Variants in CARMIL2 observed in about 807,000 individuals in gnomAD.
CARMIL2 encodes the protein capping protein, Arp2/3 and myosin-I linker protein 2.
A neutral mutation model predicts 173.3 loss-of-function variants in CARMIL2; 96 were observed. That is an observed-to-expected ratio of 0.55 (90% CI 0.47 to 0.66). The LOEUF is 0.66. CARMIL2 is among the 30% of genes least tolerant of loss of function. The pLI, the probability that CARMIL2 is intolerant of heterozygous loss-of-function variation, is 0.00. For missense variants in CARMIL2, 1,771 were observed against 1,906.7 expected (o/e 0.93, Z 1.33); for synonymous variants, 830 against 817.1 (o/e 1.02, Z -0.27).
chr16:67,646,861 T>A lies in CARMIL2; in HGVS notation c.538-39T>A. On this transcript the variant is annotated intron_variant, in intron 7 of 37. Coordinates refer to ENST00000334583, the MANE Select transcript of CARMIL2 (RefSeq NM_001013838.3). The surrounding 1 kb of genome is among the most constrained non-coding windows in gnomAD (Gnocchi z 4.6). Reference sequence around the variant, plus strand: ...GTGCTGAGCCCCTCCCTGCCCCTTGTGGCCCCAGGCGAACTGTAAGCATCT... The same window carrying A: ...GTGCTGAGCCCCTCCCTGCCCCTTGAGGCCCCAGGCGAACTGTAAGCATCT... 6.2e-7 allele frequency: 1 copy of A among 1,613,376 alleles called. No homozygotes were observed. Among genetic ancestry groups the A allele is most frequent in the Non-Finnish European group, 8.5e-7 (1 of 1,179,442 alleles).
Position 67,648,112 on chromosome 16 carries a change from G to A in CARMIL2, c.1132G>A (p.Asp378Asn), listed in dbSNP as rs2052634538. 1.2e-6 allele frequency: 2 copies of A among 1,611,608 alleles called. No individual in the cohort carries two copies. Among genetic ancestry groups the A allele is most frequent in the Admixed American group, 1.7e-5 (1 of 59,846 alleles). Residue 378 changes from aspartate to asparagine, a missense_variant, in exon 14 of 38, where the codon GAC becomes AAC. Asp to Asn is a conservative substitution (Grantham distance 23). Transcript: ENST00000334583. The surrounding 1 kb of genome is among the most constrained non-coding windows in gnomAD (Gnocchi z 6.1). ...GTCGTTCCTGAATCTCGCAGGCACC[G>A]ACACTGCCCTGGACACTGTGAGGGG... The part of the protein sequence containing the change: ...VLSFLNLAGT[D>N]TALDTVRGCS...
chr16:67,647,807 G>GGGGGGGGGGGGGGGGGGGGGGGGGCCC, intron 12 of CARMIL2, 39 bp from the exon 13 acceptor site: 1 of 1,092,392 alleles, frequency 9.2e-7, no homozygotes, highest in Non-Finnish European at 1.4e-6. Flanking sequence ...GGGGGGTGGG[G>GGGGGGGGGGGGGGGGGGGGGGGGGCCC]GTCTGTCCAA....
intron 33 of CARMIL2, 77 bp downstream of exon 33, chr16:67,656,144 C>T (rs751566443): frequency 1.8e-5 from 29 of 1,611,034 alleles, no homozygotes; most frequent in Non-Finnish European, 1.4e-5. Flanking sequence ...CACTTGCTCT[C>T]CTTGGGGAGG....
At chr16:67,647,806 G>GGGGGGGC in intron 12 of CARMIL2, 40 bp downstream of exon 12, 1 of 570,094 alleles carries the variant, frequency 1.8e-6, no homozygotes, top group Non-Finnish European at 3.2e-6. Flanking sequence ...AGGGGGGTGG[G>GGGGGGGC]GGTCTGTCCA....
chr16:67,650,118 C>T lies in CARMIL2; in HGVS notation c.2152C>T (p.Pro718Ser), dbSNP rs377067889. 6.2e-6 allele frequency: 10 copies of T among 1,613,108 alleles called. No individual in the cohort carries two copies. The highest frequency in any genetic ancestry group is 1.3e-5 in the African/African-American group (1 of 74,908). Reference sequence around the variant, plus strand: ...TTCTGACCACACGACCCGCCTTCAGCCACTTGGTCTGGTCTCAGACCCCTC... The same window carrying T: ...TTCTGACCACACGACCCGCCTTCAGTCACTTGGTCTGGTCTCAGACCCCTC... ...ASSDHTTRLQ[P>S]LGLVSDPSEQ... Residue 718 changes from proline (P) to serine (S), a missense_variant, in exon 22 of 38, where the codon CCA becomes TCA. This residue lies in a region of CARMIL2 where 944 missense variants were observed against 975.6 expected (regional missense o/e 0.97). Transcript: ENST00000334583.
Position 67,654,534 on chromosome 16 carries a change from C to T in CARMIL2, c.3424C>T (p.Pro1142Ser), listed in dbSNP as rs776689638. The change falls in exon 31 of 38, where the codon CCC becomes TCC. Residue 1142 changes from proline to serine, a missense_variant. Around this residue, in one of 3 missense-constraint regions of CARMIL2, gnomAD observed 817 missense variants for 903.5 expected, o/e 0.90. Transcript: ENST00000334583. ...FGDLLRPPTR[P>S]SRGEELGGAE... ...CGACCTACTGCGGCCGCCAACCCGTCCCAGCCGTGGTGAGGAGCTTGGTGG... is the reference window on the plus strand; with the variant it reads ...CGACCTACTGCGGCCGCCAACCCGTTCCAGCCGTGGTGAGGAGCTTGGTGG... 187 of 1,611,894 alleles carry T rather than the reference C, an allele frequency of 1.2e-4. No homozygotes were observed. The highest frequency in any genetic ancestry group is 1.6e-4 in the Non-Finnish European group (185 of 1,179,452).
Position 67,657,349 on chromosome 16 carries a change from G to A in CARMIL2, c.4195+33G>A, listed in dbSNP as rs1213708443. 6.2e-7 allele frequency: 1 copy of A among 1,611,228 alleles called. No individual in the cohort carries two copies. The highest frequency in any genetic ancestry group is 1.3e-5 in the African/African-American group (1 of 74,918). Reference sequence around the variant, plus strand: ...GGGGTCCAGGCCAGCTGGGAGGGTGGCAGGACTGCTTAGCCCAGCCCTGAC... The same window carrying A: ...GGGGTCCAGGCCAGCTGGGAGGGTGACAGGACTGCTTAGCCCAGCCCTGAC... On this transcript the variant is annotated intron_variant, in intron 37 of 37. Transcript: ENST00000334583. This position sits in a 1 kb window ranked among gnomAD's most constrained non-coding sequence, Gnocchi z 4.5.
In CARMIL2 at chr16:67,648,395, C is replaced by G. The variant is rs184690779; in HGVS notation, c.1335-3C>G. 26 of 1,533,160 alleles carry G rather than the reference C, an allele frequency of 1.7e-5. No individual in the cohort carries two copies. The highest frequency in any genetic ancestry group is 2.3e-5 in the Non-Finnish European group (26 of 1,145,988). The allele number at this position is 1,533,160 out of a possible 1,614,324, so 95.0% of individuals were successfully genotyped here. A position where few individuals can be genotyped will look rare whatever the true frequency, so the allele number is the denominator to read the frequency against. ...CCCAGGCCCACCTTCCCACTTCCCC[C>G]AGGAAGTCCCGCGCCGCGCCGGCCG... On this transcript the variant is annotated splice_polypyrimidine_tract_variant and splice_region_variant and intron_variant, in intron 14 of 37. Transcript: ENST00000334583. The surrounding 1 kb of genome is among the most constrained non-coding windows in gnomAD (Gnocchi z 6.1).
rs371019393 is a variant in CARMIL2, at chr16:67,649,034, C to G, written c.1592-42C>G. The G allele has an allele frequency of 1.2e-6, 2 of 1,604,404 alleles. No homozygotes were observed. The highest frequency in any genetic ancestry group is 2.2e-5 in the South Asian group (2 of 89,302). ...CACTCGATTCCCAATCCCCACCCTA[C>G]CCTTGCAACTTCGCCTCGTGCGTGA... On this transcript the variant is annotated intron_variant, in intron 17 of 37. Transcript: ENST00000334583. This position sits in a 1 kb window ranked among gnomAD's most constrained non-coding sequence, Gnocchi z 6.7.
rs2052651143 is a variant in CARMIL2, at chr16:67,648,714, C to T, written c.1469C>T (p.Thr490Met). ...CTTTTGGATGGCCTCGCGCTCAACA[C>T]GCACCTCCGCGACCTGCACCTGGAC... is the stretch of plus-strand genomic sequence containing the variant. ...RALLDGLALN[T>M]HLRDLHLDLS... Residue 490 changes from threonine (T) to methionine (M), a missense_variant, in exon 16 of 38, where the codon ACG becomes ATG. By Grantham distance (81) the Thr-to-Met change is moderately conservative. Around this residue, in one of 3 missense-constraint regions of CARMIL2, gnomAD observed 944 missense variants for 975.6 expected, o/e 0.97. Coordinates refer to ENST00000334583, the MANE Select transcript of CARMIL2 (RefSeq NM_001013838.3). This position sits in a 1 kb window ranked among gnomAD's most constrained non-coding sequence, Gnocchi z 6.1. The T allele has an allele frequency of 8.1e-6, 13 of 1,607,436 alleles. No homozygotes were observed. Among genetic ancestry groups the T allele is most frequent in the South Asian group, 1.1e-5 (1 of 89,658 alleles).
rs757497724 is a variant in CARMIL2 at position 67,647,710 on chromosome 16, G to A, written c.902G>A (p.Arg301His). Residue 301 changes from arginine to histidine, a missense_variant, in exon 12 of 38, where the codon CGT becomes CAT. Coordinates refer to ENST00000334583, the MANE Select transcript of CARMIL2 (RefSeq NM_001013838.3). The stretch of plus-strand genomic sequence containing the variant: ...ACTGCACTCAGCAGACACCTCGAGC[G>A]TTGTCCAGGAGCCCTGAGGAGACTC... ...GMTALSRHLERCPGALRRLSL... is the reference protein window; with the variant it reads ...GMTALSRHLEHCPGALRRLSL... 23 of 1,597,512 alleles carry A rather than the reference G, an allele frequency of 1.4e-5. No homozygotes were observed. The highest frequency in any genetic ancestry group is 9.4e-5 in the African/African-American group (7 of 74,088).
At chr16:67,645,804 C>T in intron 3 of CARMIL2, 27 bp downstream of exon 3, 1 of 1,609,204 alleles carries the variant, frequency 6.2e-7, no homozygotes, top group East Asian at 2.2e-5. Context: ...GGCCACACCC[C>T]CGCCCGCCAG....
In CARMIL2 at chr16:67,648,370, C is replaced by A. The variant is rs748831265; in HGVS notation, c.1335-28C>A. The A allele has an allele frequency of 1.3e-6, 2 of 1,538,820 alleles. No individual in the cohort carries two copies. Among genetic ancestry groups the A allele is most frequent in the Non-Finnish European group, 1.7e-6 (2 of 1,149,362 alleles). On this transcript the variant is annotated intron_variant, in intron 14 of 37. Transcript: ENST00000334583. This position sits in a 1 kb window ranked among gnomAD's most constrained non-coding sequence, Gnocchi z 6.1. ...CTGCTGGAAGCCGCCTCCTTGCGGC[C>A]CCAGGCCCACCTTCCCACTTCCCCC...
Position 67,657,167 on chromosome 16 carries a change from G to T in CARMIL2, c.4118-72G>T. ...GTGCATGCTTATGTGCACTGGAGGTGGAAGAGAGGGGCAGGGGATGGACAG... is the reference window on the plus strand; with the variant it reads ...GTGCATGCTTATGTGCACTGGAGGTTGAAGAGAGGGGCAGGGGATGGACAG... On this transcript the variant is annotated intron_variant, in intron 36 of 37. Coordinates refer to ENST00000334583, the MANE Select transcript of CARMIL2 (RefSeq NM_001013838.3). The surrounding 1 kb of genome is among the most constrained non-coding windows in gnomAD (Gnocchi z 4.5). The T allele has an allele frequency of 7.4e-7, 1 of 1,358,038 alleles. No individual in the cohort carries two copies. Among genetic ancestry groups the T allele is most frequent in the East Asian group, 2.4e-5 (1 of 41,146 alleles). 84.1% of individuals were successfully genotyped at this position (1,358,038 alleles called of 1,614,324 possible). A position where few individuals can be genotyped will look rare whatever the true frequency, so the allele number is the denominator to read the frequency against.
At position 67,645,629 on chromosome 16, in the gene CARMIL2, C is replaced by G. The variant is rs201957532; in HGVS notation, c.130C>G (p.Leu44Val). The change falls in exon 2 of 38, where the codon CTG (leucine) becomes GTG (valine). Residue 44 changes from leucine to valine, a missense_variant and splice_region_variant. Leu to Val is a conservative substitution (Grantham distance 32). Around this residue, in one of 3 missense-constraint regions of CARMIL2, gnomAD observed 944 missense variants for 975.6 expected, o/e 0.97. Transcript: ENST00000334583. Reference protein sequence around the residue: ...PGEGAVQNHVLALLRWRAYLL... With the variant: ...PGEGAVQNHVVALLRWRAYLL... ...GGAGGGTGCTGTGCAAAACCATGTCCTGGTATGGGGCAGGGGACAGAGCCG... is the reference window on the plus strand; with the variant it reads ...GGAGGGTGCTGTGCAAAACCATGTCGTGGTATGGGGCAGGGGACAGAGCCG... The G allele has an allele frequency of 5.6e-6, 9 of 1,613,580 alleles. No individual in the cohort carries two copies. In the Admixed American group the frequency reaches 1.5e-4, roughly 27 times the overall value.
chr16:67,651,995 C>G lies in CARMIL2; in HGVS notation c.2663C>G (p.Ala888Gly), dbSNP rs909225169. 1.2e-6 allele frequency: 2 copies of G among 1,613,404 alleles called. No homozygotes were observed. The highest frequency in any genetic ancestry group is 8.5e-7 in the Non-Finnish European group (1 of 1,179,848). ...VAQALAGLSA[A>G]RDQLVESLAQ... ...CAGGCTTTGGCAGGCCTGAGTGCAG[C>G]CCGGGATCAGCTGGTGAGGGGGAGA... The change falls in exon 26 of 38, where the codon GCC becomes GGC. Residue 888 changes from alanine (A) to glycine (G), a missense_variant. Around this residue, in one of 3 missense-constraint regions of CARMIL2, gnomAD observed 817 missense variants for 903.5 expected, o/e 0.90. Coordinates refer to ENST00000334583, the MANE Select transcript of CARMIL2 (RefSeq NM_001013838.3). This position sits in a 1 kb window ranked among gnomAD's most constrained non-coding sequence, Gnocchi z 4.2.
Position 67,648,647 on chromosome 16 carries a change from T to C in CARMIL2, c.1440-38T>C, listed in dbSNP as rs1272588061. The C allele has an allele frequency of 5.1e-6, 8 of 1,576,640 alleles. No homozygotes were observed. Among genetic ancestry groups the C allele is most frequent in the African/African-American group, 1.4e-5 (1 of 73,774 alleles). On this transcript the variant is annotated intron_variant, in intron 15 of 37. Transcript: ENST00000334583. This position sits in a 1 kb window ranked among gnomAD's most constrained non-coding sequence, Gnocchi z 6.1. ...TTCGTTCGCACCCTGGAGCCCCCTG[T>C]CCCAGCTCCCGCCACCCCGTGTAAC... is the stretch of plus-strand genomic sequence containing the variant.
chr16:67,651,320 G>A lies in CARMIL2; in HGVS notation c.2313+5G>A. ...AATGCCAACTTCTCTCTCAGCGTGAGCACTCCCCCTCCTGCTACAAGGACC... is the reference window on the plus strand; with the variant it reads ...AATGCCAACTTCTCTCTCAGCGTGAACACTCCCCCTCCTGCTACAAGGACC... On this transcript the variant is annotated splice_donor_5th_base_variant and intron_variant, in intron 23 of 37. Coordinates refer to ENST00000334583, the MANE Select transcript of CARMIL2 (RefSeq NM_001013838.3). This position sits in a 1 kb window ranked among gnomAD's most constrained non-coding sequence, Gnocchi z 4.2. 1.2e-6 allele frequency: 2 copies of A among 1,613,274 alleles called. No homozygotes were observed. The highest frequency in any genetic ancestry group is 1.7e-6 in the Non-Finnish European group (2 of 1,179,564).
rs761466822 is a variant in CARMIL2 at position 67,652,507 on chromosome 16, C to T, written c.2853C>T (p.Ser951=). The T allele has an allele frequency of 5.6e-6, 9 of 1,613,514 alleles. No individual in the cohort carries two copies. The highest frequency in any genetic ancestry group is 1.3e-5 in the African/African-American group (1 of 74,906). The change falls in exon 28 of 38, where the codon AGC becomes AGT. Residue 951 remains serine, a synonymous_variant. Coordinates refer to ENST00000334583, the MANE Select transcript of CARMIL2 (RefSeq NM_001013838.3). This position sits in a 1 kb window ranked among gnomAD's most constrained non-coding sequence, Gnocchi z 4.7. Reference sequence around the variant, plus strand: ...CTCCACAGAAATGGCCTGAGCTCAGCCACGGTCTTCACCTGGTCCCCTTCA... The same window carrying T: ...CTCCACAGAAATGGCCTGAGCTCAGTCACGGTCTTCACCTGGTCCCCTTCA... The part of the protein sequence containing the change: ...DSPPQKWPEL[S]HGLHLVPFIH...
Sources: gnomAD v4.1 joint callset for allele counts on GRCh38, gnomAD v4.1.1 for gene constraint, gnomAD v4.1.1 regional missense constraint, Gnocchi (gnomAD v3.1) non-coding constraint, MANE v1.5 for transcripts, NCBI Gene and HGNC (gene_info 2026-07-23, HGNC 2026-07-21) for gene names.